The following RNF111 variants were observed in gnomAD, a reference collection of about 807,000 sequenced individuals.
The protein encoded by RNF111 is ring finger protein 111.
In RNF111, 17 loss-of-function variants were observed where a neutral mutation model predicts 95.1. The ratio of observed to expected loss-of-function variants is 0.18; its 90% CI spans 0.12 to 0.27. The LOEUF is 0.27. RNF111 is among the 10% of genes least tolerant of loss of function. The pLI is 1.00. For missense variants in RNF111, 1,189 were observed against 1,210.4 expected, an observed-to-expected ratio of 0.98 and a Z score of 0.26; for synonymous variants, 440 against 414.8, an observed-to-expected ratio of 1.06 and a Z score of -0.74.
chr15:59,030,852 G>A lies in RNF111; in HGVS notation c.30G>A (p.Glu10=). 5.6e-6 allele frequency: 9 copies of A among 1,612,434 alleles called. No individual in the cohort carries two copies. The highest frequency in any genetic ancestry group is 7.6e-6 in the Non-Finnish European group (9 of 1,178,896). The change falls in exon 2 of 14, where the codon GAG becomes GAA. Residue 10 remains glutamate, a synonymous_variant. Transcript: ENST00000348370. MSQWTPEYN[E]LYTLKVDMKS... ...CTCAATGGACTCCTGAATATAACGA[G>A]CTCTACACCTTAAAAGTGGATATGA... is the stretch of plus-strand genomic sequence containing the variant.
chr15:59,015,178 T>G (rs1048965339), intron 1 of RNF111, among the ~76,000 whole-genome samples: 2 of 152,172 alleles, frequency 1.3e-5, no homozygotes, highest in East Asian at 3.8e-4. Context: ...TTCATAATTT[T>G]CTCAAAATAA....
intron 1 of RNF111, among the ~76,000 whole-genome samples, chr15:59,017,753 CTTT>C (rs200975904): frequency 3.3e-5 from 4 of 120,960 alleles, no homozygotes; most frequent in African/African-American, 1.0e-4. Flanking sequence ...TTGTTGAACT[CTTT>C]TTTTTTTTTT....
intron 1 of RNF111, among the ~76,000 whole-genome samples, chr15:59,015,646 G>C (rs1001027224): frequency 3.3e-5 from 5 of 149,918 alleles, no homozygotes; most frequent in African/African-American, 1.2e-4. Flanking sequence ...AAGAACAAAA[G>C]AACCTACAGC....
At chr15:59,087,085 C>T (rs910649854) in intron 10 of RNF111, among the ~76,000 whole-genome samples, 12 of 152,124 alleles carry the variant, frequency 7.9e-5, no homozygotes, top group Admixed American at 7.9e-4. Flanking sequence ...TACTGAATCT[C>T]TATGAAAGTT....
intron 5 of RNF111, among the ~76,000 whole-genome samples, chr15:59,061,234 C>G (rs917549122): frequency 6.6e-6 from 1 of 152,156 alleles, no homozygotes; most frequent in Non-Finnish European, 1.5e-5. Flanking sequence ...GGCTACAGTC[C>G]TAAATGGGCC....
At chr15:59,093,399 T>G in intron 13 of RNF111, 1 of 430,654 alleles carries the variant, frequency 2.3e-6, no homozygotes, top group Non-Finnish European at 4.5e-6. Flanking sequence ...TTGCCCAGGC[T>G]CAGGGCAGCA....
rs770983452 is a variant in RNF111, at chr15:59,092,563, G to C, written c.2766G>C (p.Gly922=). The part of the protein sequence containing the change: ...KKRKLHCKQD[G]EEGTEEDTEE... ...GGAAACTGCACTGCAAACAAGATGG[G>C]GAAGAAGGGACTGAGGAAGACACAG... The change falls in exon 13 of 14, where the codon GGG becomes GGC. Residue 922 remains glycine (G), a synonymous_variant. Coordinates refer to ENST00000348370, the MANE Select transcript of RNF111 (RefSeq NM_017610.8). 135 of 1,612,670 alleles carry C rather than the reference G, an allele frequency of 8.4e-5. 3 individuals carry two copies. In the South Asian group the frequency reaches 1.4e-3, roughly 16 times the overall value.
intron 3 of RNF111, among the ~76,000 whole-genome samples, chr15:59,052,855 TGA>T (rs1416486149): frequency 2.0e-5 from 3 of 152,194 alleles, no homozygotes; most frequent in Non-Finnish European, 4.4e-5. Context: ...AAGTATACAA[TGA>T]GAGTTAAGAG....
chr15:59,072,436 G>T (rs916187786), intron 6 of RNF111, among the ~76,000 whole-genome samples: 33 of 148,822 alleles, frequency 2.2e-4, no homozygotes, highest in African/African-American at 8.2e-4. Flanking sequence ...TAAATCTTTC[G>T]CTGTCATTTC....
At chr15:59,016,127 G>C (rs1168821966) in intron 1 of RNF111, among the ~76,000 whole-genome samples, 1 of 150,702 alleles carries the variant, frequency 6.6e-6, no homozygotes, top group Non-Finnish European at 1.5e-5. Flanking sequence ...ATGAGTCACT[G>C]CTCCTGGCCA....
chr15:59,004,347 G>A (rs1406136668), intron 1 of RNF111, among the ~76,000 whole-genome samples: 1 of 152,176 alleles, frequency 6.6e-6, no homozygotes, highest in Non-Finnish European at 1.5e-5. Flanking sequence ...TTGCAAAAAA[G>A]TATATAGGTA....
chr15:59,086,077 C>T (rs534153379), intron 10 of RNF111, among the ~76,000 whole-genome samples: 1 of 151,860 alleles, frequency 6.6e-6, no homozygotes, highest in Non-Finnish European at 1.5e-5. Flanking sequence ...GTTATTTTGC[C>T]GTAAGTGGTA....
intron 2 of RNF111, among the ~76,000 whole-genome samples, chr15:59,036,684 C>A (rs2041196288): frequency 6.6e-6 from 1 of 152,024 alleles, no homozygotes; most frequent in African/African-American, 2.4e-5. Flanking sequence ...ATCGGTGCAT[C>A]AATATTTATT....
intron 6 of RNF111, among the ~76,000 whole-genome samples, chr15:59,069,943 C>G (rs1467691501): frequency 6.6e-6 from 1 of 151,026 alleles, no homozygotes; most frequent in Admixed American, 6.6e-5. Context: ...AGATAGCCCT[C>G]ACTGCTTGCT....
chr15:59,049,865 C>T (rs1311794624), intron 2 of RNF111: 1 of 149,096 alleles, frequency 6.7e-6, no homozygotes, highest in African/African-American at 2.5e-5. Flanking sequence ...CTCCTGCCTC[C>T]TGAGTAGCTG....
intron 1 of RNF111, among the ~76,000 whole-genome samples, chr15:59,016,833 T>G (rs1304578749): frequency 6.6e-6 from 1 of 152,146 alleles, no homozygotes; most frequent in African/African-American, 2.4e-5. Flanking sequence ...AGCCAGTCCC[T>G]GTCACTTACA....
rs1441400595 is a variant in RNF111 at position 59,096,531 on chromosome 15, C to G, written c.*1631C>G. ...TCAAATTGACATTTGCATAATTTGACATTTATATTCATTCAGTTATGACTA... is the reference window on the plus strand; with the variant it reads ...TCAAATTGACATTTGCATAATTTGAGATTTATATTCATTCAGTTATGACTA... On this transcript the variant is annotated 3_prime_UTR_variant, in exon 14 of 14. Coordinates refer to ENST00000348370, the MANE Select transcript of RNF111 (RefSeq NM_017610.8). 6.5e-6 allele frequency: 1 copy of G among 153,750 alleles called. No homozygotes were observed. The highest frequency in any genetic ancestry group is 2.4e-5 in the African/African-American group (1 of 41,488). 9.5% of individuals were successfully genotyped at this position (153,750 alleles called of 1,614,324 possible).
At chr15:59,005,820 T>C (rs1365766711) in intron 1 of RNF111, among the ~76,000 whole-genome samples, 1 of 152,218 alleles carries the variant, frequency 6.6e-6, no homozygotes, top group Non-Finnish European at 1.5e-5. Flanking sequence ...AAAGCTATCA[T>C]ATGCATATGT....
intron 1 of RNF111, among the ~76,000 whole-genome samples, chr15:59,020,709 T>C (rs1002683960): frequency 2.0e-5 from 3 of 152,180 alleles, no homozygotes; most frequent in Non-Finnish European, 2.9e-5. Flanking sequence ...GTTTAACTTA[T>C]CTGTTTCCAG....
Sources: gnomAD v4.1 joint callset for allele counts (sites outside exome capture counted in the v4.1 genomes callset) on GRCh38, gnomAD v4.1.1 for gene constraint, MANE v1.5 for transcripts, NCBI Gene and HGNC (gene_info 2026-07-23, HGNC 2026-07-21) for gene names.